The following NCOA6 variants were observed in gnomAD, a reference collection of about 807,000 sequenced individuals.
The protein encoded by NCOA6 is nuclear receptor coactivator 6, also known as NRC RAP250.
In NCOA6, 49 loss-of-function variants were observed where a neutral mutation model predicts 171.4. That is an observed-to-expected ratio of 0.29 (90% CI 0.23 to 0.36). NCOA6 has a LOEUF of 0.36. Ranked by LOEUF, NCOA6 falls within the 10% of genes least tolerant of loss-of-function variation. The pLI, the probability that NCOA6 is intolerant of heterozygous loss-of-function variation, is 1.00. For missense variants in NCOA6, 2,248 were observed against 2,554.5 expected (o/e 0.88, Z 2.59); for synonymous variants, 910 against 927.5 (o/e 0.98, Z 0.34).
intron 5 of NCOA6, among the ~76,000 whole-genome samples, chr20:34,765,209 T>C (rs947650152): frequency 5.9e-5 from 9 of 151,738 alleles, no homozygotes; most frequent in Admixed American, 3.3e-4. Flanking sequence ...TCCCAGCACT[T>C]TGGGAGGCCG....
chr20:34,824,578 T>C (rs968749314), intron 1 of NCOA6, among the ~76,000 whole-genome samples: 1 of 152,162 alleles, frequency 6.6e-6, no homozygotes. Context: ...GGTCCCTCCT[T>C]TTAAAGACAC....
At chr20:34,730,266 TTTTCATAGAGACAGGGTCTCCCTATG>T (rs1990455999) in intron 13 of NCOA6, among the ~76,000 whole-genome samples, 1 of 151,848 alleles carries the variant, frequency 6.6e-6, no homozygotes. Context: ...TTTTATTTTT[TTTTCATAGAGACAGGGTCTCCCTATG>T]TTGCCCAGGC....
At chr20:34,814,045 A>G (rs2078755046) in intron 1 of NCOA6, among the ~76,000 whole-genome samples, 1 of 152,172 alleles carries the variant, frequency 6.6e-6, no homozygotes, top group Non-Finnish European at 1.5e-5. Flanking sequence ...GAATTGTAAA[A>G]TAGGGCTGGG....
chr20:34,774,958 A>G lies in NCOA6; in HGVS notation c.391+1335T>C, dbSNP rs184711848. ...ACAAACTTTTGTGAGAGCACATAGCAAAGGACTCTGACTTGCCAAAGGAGT... is the reference window on the plus strand; with the variant it reads ...ACAAACTTTTGTGAGAGCACATAGCGAAGGACTCTGACTTGCCAAAGGAGT... On this transcript the variant is annotated intron_variant, in intron 4 of 14. Transcript: ENST00000359003. Among the ~76,000 whole-genome samples the G allele has an allele frequency of 2.6e-5, 4 of 152,368 alleles. No individual in the cohort carries two copies. In the East Asian group the frequency reaches 7.7e-4, roughly 29 times the overall value.
chr20:34,749,257 A>C (rs942329436), intron 9 of NCOA6, 146 bp downstream of exon 9: 1 of 1,045,500 alleles, frequency 9.6e-7, no homozygotes, highest in Admixed American at 2.7e-5. Context: ...AGATGAAGGC[A>C]AGACAGACTA....
At chr20:34,817,492 T>C (rs1446028846) in intron 1 of NCOA6, among the ~76,000 whole-genome samples, 2 of 152,168 alleles carry the variant, frequency 1.3e-5, no homozygotes, top group Non-Finnish European at 1.5e-5. Flanking sequence ...TGACCAACTC[T>C]AGGGCTGCAT....
chr20:34,734,658 C>CT (rs556391473), intron 12 of NCOA6, among the ~76,000 whole-genome samples: 129 of 148,414 alleles, frequency 8.7e-4, no homozygotes, highest in South Asian at 3.4e-3. Flanking sequence ...GTTTGCTCTT[C>CT]TTTTTTTTTT....
At position 34,759,210 on chromosome 20, in the gene NCOA6, C is replaced by T. The variant is rs555722861; in HGVS notation, c.515-277G>A. 4.0e-5 allele frequency among the ~76,000 whole-genome samples: 6 copies of T among 151,862 alleles called. No homozygotes were observed. In the East Asian group the frequency reaches 1.2e-3, roughly 29 times the overall value. ...GCACACACCACTGTGCCCAGCTAAT[C>T]GTTCTATATTTTATAGAGATGGGGT... On this transcript the variant is annotated intron_variant, in intron 5 of 14. Transcript: ENST00000359003.
chr20:34,812,877 G>A (rs1023649116), intron 1 of NCOA6, among the ~76,000 whole-genome samples: 2 of 152,030 alleles, frequency 1.3e-5, no homozygotes, highest in Non-Finnish European at 2.9e-5. Context: ...AATTACGGCC[G>A]GTCACAGTGA....
intron 3 of NCOA6, among the ~76,000 whole-genome samples, chr20:34,777,571 C>T (rs1233862153): frequency 4.0e-5 from 6 of 151,550 alleles, no homozygotes; most frequent in Non-Finnish European, 8.8e-5. Context: ...GCCCAGAATG[C>T]ACTACTGCAC....
rs937614800 is a variant in NCOA6 at position 34,816,534 on chromosome 20, C to T, written c.-164+8938G>A. On this transcript the variant is annotated intron_variant, in intron 1 of 14. Coordinates refer to ENST00000359003, the MANE Select transcript of NCOA6 (RefSeq NM_014071.5). Reference sequence around the variant, plus strand: ...GAAGGCTCAGCCTCTCAAGTAGGTGCGATTAGATGCACATGCCAGCACGCC... The same window carrying T: ...GAAGGCTCAGCCTCTCAAGTAGGTGTGATTAGATGCACATGCCAGCACGCC... 1.1e-4 allele frequency among the ~76,000 whole-genome samples: 17 copies of T among 152,138 alleles called. No homozygotes were observed. In the South Asian group the frequency reaches 1.2e-3, roughly 11 times the overall value.
chr20:34,778,830 G>A (rs2077424506), intron 3 of NCOA6, among the ~76,000 whole-genome samples: 1 of 151,796 alleles, frequency 6.6e-6, no homozygotes, highest in Non-Finnish European at 1.5e-5. Flanking sequence ...GTGGTGGCGG[G>A]CGCCTGTAGT....
chr20:34,756,122 A>G (rs2076633798), intron 7 of NCOA6, among the ~76,000 whole-genome samples: 1 of 152,200 alleles, frequency 6.6e-6, no homozygotes, highest in African/African-American at 2.4e-5. Context: ...TAACAGTGAC[A>G]AGTCCCATTT....
chr20:34,747,346 G>A (rs756500308), intron 9 of NCOA6, among the ~76,000 whole-genome samples: 3 of 152,072 alleles, frequency 2.0e-5, no homozygotes, highest in Non-Finnish European at 4.4e-5. Context: ...TAACAGTGGG[G>A]GCTCAATTCA....
intron 9 of NCOA6, 143 bp downstream of exon 9, chr20:34,749,260 A>T (rs149885975): frequency 4.7e-6 from 5 of 1,063,182 alleles, no homozygotes; most frequent in Non-Finnish European, 6.7e-6. Context: ...TGAAGGCAAG[A>T]CAGACTATGA....
At chr20:34,802,122 G>T (rs1214675531) in intron 1 of NCOA6, among the ~76,000 whole-genome samples, 1 of 152,160 alleles carries the variant, frequency 6.6e-6, no homozygotes, top group Admixed American at 6.5e-5. Flanking sequence ...AAACACTAAT[G>T]CAAAAATCCT....
At chr20:34,768,147 A>G (rs1385156701) in intron 5 of NCOA6, among the ~76,000 whole-genome samples, 3 of 152,198 alleles carry the variant, frequency 2.0e-5, no homozygotes, top group African/African-American at 7.2e-5. Context: ...TGTACTATTA[A>G]AATAATGAGG....
Position 34,750,360 on chromosome 20 carries a change from T to C in NCOA6, c.1835A>G (p.Gln612Arg), listed in dbSNP as rs1290579183. 11 of 1,614,006 alleles carry C rather than the reference T, an allele frequency of 6.8e-6. No individual in the cohort carries two copies. The highest frequency in any genetic ancestry group is 5.1e-6 in the Non-Finnish European group (6 of 1,180,014). The part of the protein sequence containing the change: ...PQVNLSNMQG[Q>R]PQQGPPSQLM... ...CTGAGATGGTGGGCCCTGCTGGGGC[T>C]GGCCTTGCATGTTGCTGAGGTTCAC... Residue 612 changes from glutamine (Q) to arginine (R), a missense_variant, in exon 9 of 15, where the codon CAG becomes CGG. By Grantham distance (43) the Gln-to-Arg change is conservative. This residue lies in a region of NCOA6 where 987 missense variants were observed against 1,104.7 expected (regional missense o/e 0.89). Transcript: ENST00000359003.
At position 34,742,180 on chromosome 20, in the gene NCOA6, T is replaced by C; in HGVS notation, c.4076A>G (p.Gln1359Arg). 6.2e-7 allele frequency: 1 copy of C among 1,614,238 alleles called. No individual in the cohort carries two copies. Among genetic ancestry groups the C allele is most frequent in the Non-Finnish European group, 8.5e-7 (1 of 1,180,044 alleles). ...ATTCTGCAATAGGGCTGCATTTGTC[T>C]GAGAGGCCAGAGTAAGTTTAGGGGC... is the stretch of plus-strand genomic sequence containing the variant. The part of the protein sequence containing the change: ...SKAPKLTLAS[Q>R]TNAALLQNVE... The change falls in exon 11 of 15, where the codon CAG (glutamine) becomes CGG (arginine). Residue 1359 changes from glutamine to arginine, a missense_variant. Physicochemically the swap from Gln to Arg is conservative, Grantham distance 43. Coordinates refer to ENST00000359003, the MANE Select transcript of NCOA6 (RefSeq NM_014071.5).
Sources: allele counts gnomAD v4.1 joint callset (sites outside exome capture counted in the v4.1 genomes callset), GRCh38; gene constraint gnomAD v4.1.1; regional missense constraint gnomAD v4.1.1; transcripts MANE v1.5; gene names NCBI Gene and HGNC (gene_info 2026-07-23, HGNC 2026-07-21).